The following ALK variants were observed in gnomAD, a reference collection of about 807,000 sequenced individuals.
The protein encoded by ALK is ALK receptor tyrosine kinase.
A neutral mutation model predicts 163.1 loss-of-function variants in ALK; 74 were observed. The observed-to-expected ratio is 0.45, with a 90% CI of 0.38 to 0.55. The LOEUF (loss-of-function observed/expected upper bound fraction) is 0.55. ALK is among the 20% of genes least tolerant of loss of function. The probability of loss-of-function intolerance (pLI) is 0.00; values close to 1 mark genes in which losing one functional copy is unlikely to be tolerated. For missense variants in ALK, 2,063 were observed against 2,105.3 expected, an observed-to-expected ratio of 0.98 and a Z score of 0.39; for synonymous variants, 960 against 843.2, an observed-to-expected ratio of 1.14 and a Z score of -2.40.
chr2:29,882,441 A>T, intron 1 of ALK, among the ~76,000 whole-genome samples: 1 of 152,336 alleles, frequency 6.6e-6, no homozygotes, highest in African/African-American at 2.4e-5. Context: ...CATGCCTGTA[A>T]TCCCAGCACT....
intron 26 of ALK, among the ~76,000 whole-genome samples, chr2:29,205,049 T>C (rs1669277813): frequency 6.6e-6 from 1 of 152,230 alleles, no homozygotes; most frequent in African/African-American, 2.4e-5. Context: ...AGGGTAGCCA[T>C]GCCTATCTCC....
chr2:29,466,684 G>C (rs1032773686), intron 4 of ALK, among the ~76,000 whole-genome samples: 3 of 152,158 alleles, frequency 2.0e-5, no homozygotes, highest in Non-Finnish European at 4.4e-5. Context: ...CTTCTCAATG[G>C]TGTGTCATAT....
chr2:29,258,596 A>G lies in ALK; in HGVS notation c.2042-7329T>C, dbSNP rs927467658. Among the ~76,000 whole-genome samples the G allele has an allele frequency of 3.3e-5, 5 of 152,192 alleles. No individual in the cohort carries two copies. The South Asian group carries it at 6.2e-4, about 19-fold the overall frequency. ...CTCTATCATCCTCTGAAGCTGGCCA[A>G]TTAACTGTTTGTACATTATTATGAA... is the stretch of plus-strand genomic sequence containing the variant. On this transcript the variant is annotated intron_variant, in intron 11 of 28. Coordinates refer to ENST00000389048, the MANE Select transcript of ALK (RefSeq NM_004304.5).
At chr2:29,502,645 C>G (rs1050220733) in intron 4 of ALK, among the ~76,000 whole-genome samples, 3 of 152,116 alleles carry the variant, frequency 2.0e-5, no homozygotes, top group Non-Finnish European at 4.4e-5. Context: ...TGGGTATCTG[C>G]CCCATCCCTC....
At chr2:29,623,654 CA>C (rs1676104448) in intron 3 of ALK, among the ~76,000 whole-genome samples, 1 of 152,198 alleles carries the variant, frequency 6.6e-6, no homozygotes, top group South Asian at 2.1e-4. Flanking sequence ...AAACCCAAGA[CA>C]GCCTGTGTCT....
intron 4 of ALK, among the ~76,000 whole-genome samples, chr2:29,459,694 T>C (rs544095579): frequency 2.0e-4 from 30 of 152,088 alleles, no homozygotes; most frequent in Non-Finnish European, 3.8e-4. Context: ...CTTGTGACAC[T>C]GAAGTAACAA....
chr2:29,454,263 G>A (rs1282469801), intron 4 of ALK, among the ~76,000 whole-genome samples: 2 of 152,098 alleles, frequency 1.3e-5, no homozygotes, highest in African/African-American at 2.4e-5. Context: ...ACCCCCCTGT[G>A]GATACCAAAA....
chr2:29,852,358 C>A (rs988568963), intron 1 of ALK, among the ~76,000 whole-genome samples: 1 of 152,154 alleles, frequency 6.6e-6, no homozygotes, highest in Non-Finnish European at 1.5e-5. Context: ...CCCTCCTTAA[C>A]CCCTTCAGAC....
At chr2:29,458,423 C>T (rs1442062666) in intron 4 of ALK, among the ~76,000 whole-genome samples, 1 of 152,168 alleles carries the variant, frequency 6.6e-6, no homozygotes, top group Non-Finnish European at 1.5e-5. Context: ...AATTTATCAT[C>T]TGCACTTTCC....
chr2:29,616,484 G>T (rs930075644), intron 3 of ALK, among the ~76,000 whole-genome samples: 5 of 152,230 alleles, frequency 3.3e-5, no homozygotes, highest in Non-Finnish European at 7.3e-5. Flanking sequence ...CAAGGCGTCT[G>T]AAGAATTTGT....
At chr2:29,323,054 C>T (rs778702615) in intron 6 of ALK, among the ~76,000 whole-genome samples, 4 of 152,176 alleles carry the variant, frequency 2.6e-5, no homozygotes, top group Admixed American at 6.5e-5. Flanking sequence ...CATATGGGCT[C>T]TAGTTCTAGC....
chr2:29,256,920 G>C (rs1314156715), intron 11 of ALK, among the ~76,000 whole-genome samples: 8 of 152,198 alleles, frequency 5.3e-5, no homozygotes, highest in Admixed American at 2.0e-4. Flanking sequence ...GGGAAACCTA[G>C]TAACTGGAGT....
At chr2:29,234,358 G>A (rs1378044408) in intron 13 of ALK, among the ~76,000 whole-genome samples, 1 of 152,136 alleles carries the variant, frequency 6.6e-6, no homozygotes, top group African/African-American at 2.4e-5. Context: ...CTCTCACTGA[G>A]AGCCATCGAG....
rs1394176461 is a variant in ALK at position 29,192,798 on chromosome 2, A to T, written c.*426T>A. Reference sequence around the variant, plus strand: ...CTTAGTCATTACAAATAACTCCTTTATTTCCGTTCCCTCTCCCCTCAAATG... The same window carrying T: ...CTTAGTCATTACAAATAACTCCTTTTTTTCCGTTCCCTCTCCCCTCAAATG... On this transcript the variant is annotated 3_prime_UTR_variant, in exon 29 of 29. Coordinates refer to ENST00000389048, the MANE Select transcript of ALK (RefSeq NM_004304.5). 1 of 295,148 alleles carries T rather than the reference A, an allele frequency of 3.4e-6. No individual in the cohort carries two copies. Among genetic ancestry groups the T allele is most frequent in the Non-Finnish European group, 6.4e-6 (1 of 155,376 alleles). 18.3% of individuals were successfully genotyped at this position (295,148 alleles called of 1,614,324 possible). A position where few individuals can be genotyped will look rare whatever the true frequency, so the allele number is the denominator to read the frequency against.
At chr2:29,755,954 C>G (rs1240098447) in intron 1 of ALK, among the ~76,000 whole-genome samples, 2 of 152,216 alleles carry the variant, frequency 1.3e-5, no homozygotes, top group Non-Finnish European at 2.9e-5. Flanking sequence ...TTAATAAGTA[C>G]ATGCAAGGAG....
rs1203296809 is a variant in ALK at position 29,738,437 on chromosome 2, C to T, written c.668-20740G>A. On this transcript the variant is annotated intron_variant, in intron 1 of 28. Transcript: ENST00000389048. Reference sequence around the variant, plus strand: ...GATGGCATAATTTAGCTTATGAGCCCGCTGGGAAAATTCTGTAACTTATGT... The same window carrying T: ...GATGGCATAATTTAGCTTATGAGCCTGCTGGGAAAATTCTGTAACTTATGT... Among the ~76,000 whole-genome samples the T allele has an allele frequency of 5.9e-5, 9 of 152,048 alleles. No individual in the cohort carries two copies. In the East Asian group the frequency reaches 9.7e-4, roughly 16 times the overall value.
At chr2:29,418,786 G>A (rs775642538) in intron 4 of ALK, among the ~76,000 whole-genome samples, 5 of 151,982 alleles carry the variant, frequency 3.3e-5, no homozygotes, top group Non-Finnish European at 7.3e-5. Flanking sequence ...CTACTAAGAG[G>A]TGAGTATCTT....
intron 8 of ALK, among the ~76,000 whole-genome samples, chr2:29,311,209 C>T (rs1666685573): frequency 6.6e-6 from 1 of 152,226 alleles, no homozygotes; most frequent in South Asian, 2.1e-4. Context: ...ATAGTTGAAG[C>T]TGACTTCAGG....
At chr2:29,749,679 C>G (rs1230784207) in intron 1 of ALK, among the ~76,000 whole-genome samples, 1 of 152,152 alleles carries the variant, frequency 6.6e-6, no homozygotes, top group African/African-American at 2.4e-5. Flanking sequence ...ATGGCTCCCC[C>G]ACAGCCCACA....
Sources: gnomAD v4.1 joint callset for allele counts (sites outside exome capture counted in the v4.1 genomes callset) on GRCh38, gnomAD v4.1.1 for gene constraint, MANE v1.5 for transcripts, NCBI Gene and HGNC (gene_info 2026-07-23, HGNC 2026-07-21) for gene names.